Variants in ATG5 observed in about 807,000 individuals in gnomAD.
ATG5 encodes autophagy related 5.
A neutral mutation model predicts 36.5 loss-of-function variants in ATG5; 14 were observed. The observed-to-expected ratio is 0.38, with a 90% CI of 0.25 to 0.60. The LOEUF (loss-of-function observed/expected upper bound fraction) is 0.60, where lower values mean the gene tolerates loss of function less well. Among genes scored for constraint, ATG5 ranks in the 20% least tolerant of loss-of-function variants. The pLI is 0.60. For missense variants in ATG5, 195 were observed against 326.7 expected (o/e 0.60, Z 3.11); for synonymous variants, 95 against 101.5 (o/e 0.94, Z 0.38).
chr6:106,262,889 C>T (rs1167383198), intron 5 of ATG5, among the ~76,000 whole-genome samples: 9 of 152,224 alleles, frequency 5.9e-5, no homozygotes, highest in Non-Finnish European at 1.3e-4. Context: ...ACCACCAGGG[C>T]CCTGGGTTTC....
At chr6:106,265,732 G>A (rs114812407) in intron 5 of ATG5, among the ~76,000 whole-genome samples, 1,906 of 152,128 alleles carry the variant, frequency 0.013, 44 homozygotes, top group African/African-American at 0.043. Context: ...CATGAAAACC[G>A]CTCCTAAATA....
chr6:106,278,565 T>C (rs1053470058), intron 5 of ATG5, among the ~76,000 whole-genome samples: 4 of 152,236 alleles, frequency 2.6e-5, no homozygotes, highest in African/African-American at 9.6e-5. Context: ...CCTGGCTGCA[T>C]AATCTAGTCT....
At chr6:106,188,573 G>C (rs1051731707) in intron 7 of ATG5, among the ~76,000 whole-genome samples, 5 of 152,186 alleles carry the variant, frequency 3.3e-5, no homozygotes, top group African/African-American at 1.2e-4. Context: ...GATGCACAGT[G>C]TATCTGAAAG....
At chr6:106,196,756 G>A (rs992221963) in intron 7 of ATG5, among the ~76,000 whole-genome samples, 5 of 149,686 alleles carry the variant, frequency 3.3e-5, no homozygotes, top group African/African-American at 1.2e-4. Context: ...AAGTTCTACA[G>A]TTATACAATT....
At chr6:106,190,199 A>G (rs1195057210) in intron 7 of ATG5, among the ~76,000 whole-genome samples, 1 of 152,208 alleles carries the variant, frequency 6.6e-6, no homozygotes, top group Non-Finnish European at 1.5e-5. Flanking sequence ...GATAATTTAT[A>G]AAGGACAAAC....
chr6:106,196,722 C>CA (rs34507159), intron 7 of ATG5, among the ~76,000 whole-genome samples: 1,740 of 138,240 alleles, frequency 0.013, 22 homozygotes, highest in African/African-American at 0.036. Context: ...GAATCAGTCT[C>CA]AAAAAAAAAA....
intron 5 of ATG5, among the ~76,000 whole-genome samples, chr6:106,258,321 C>CATG (rs1208331861): frequency 6.6e-6 from 1 of 151,812 alleles, no homozygotes; most frequent in Non-Finnish European, 1.5e-5. Context: ...TGCAGTGAGC[C>CATG]ATGACCTTAC....
intron 5 of ATG5, among the ~76,000 whole-genome samples, chr6:106,259,561 G>A (rs1778931810): frequency 6.6e-6 from 1 of 152,154 alleles, no homozygotes; most frequent in African/African-American, 2.4e-5. Context: ...ACAAGTCCAT[G>A]AAGTTGTTTT....
chr6:106,238,124 TTTC>T (rs1303183922), intron 6 of ATG5, among the ~76,000 whole-genome samples: 15 of 152,336 alleles, frequency 9.8e-5, no homozygotes, highest in African/African-American at 3.1e-4. Context: ...CATTCTATAC[TTTC>T]TTGTCTTTAC....
At chr6:106,227,861 TAA>T (rs1777505998) in intron 6 of ATG5, among the ~76,000 whole-genome samples, 1 of 152,182 alleles carries the variant, frequency 6.6e-6, no homozygotes, top group African/African-American at 2.4e-5. Flanking sequence ...TCTTATCAGG[TAA>T]AGTTAGGCAA....
intron 3 of ATG5, among the ~76,000 whole-genome samples, chr6:106,295,269 T>C (rs1769870702): frequency 6.6e-6 from 1 of 152,232 alleles, no homozygotes; most frequent in Non-Finnish European, 1.5e-5. Flanking sequence ...AAGATGAATG[T>C]AGGCACTTAA....
chr6:106,186,314 A>G lies in ATG5; in HGVS notation c.*226T>C. ...CCTTCAGTGGTCCGGTAAGTCTTTC[A>G]TGTCACAGCTGAGGTTTAATGATGG... On this transcript the variant is annotated 3_prime_UTR_variant, in exon 8 of 8. Transcript: ENST00000369076. 2.1e-6 allele frequency: 1 copy of G among 486,244 alleles called. No homozygotes were observed. The highest frequency in any genetic ancestry group is 3.6e-6 in the Non-Finnish European group (1 of 276,880). The allele number at this position is 486,244 out of a possible 1,614,324, so 30.1% of individuals were successfully genotyped here. A position where few individuals can be genotyped will look rare whatever the true frequency, so the allele number is the denominator to read the frequency against.
At chr6:106,276,119 C>T (rs185177944) in intron 5 of ATG5, among the ~76,000 whole-genome samples, 12 of 152,266 alleles carry the variant, frequency 7.9e-5, no homozygotes, top group Admixed American at 7.8e-4. Context: ...TTTCATAAGG[C>T]CTCTACAGAT....
intron 3 of ATG5, among the ~76,000 whole-genome samples, chr6:106,306,650 A>C (rs182038556): frequency 1.6e-4 from 25 of 152,334 alleles, no homozygotes; most frequent in Non-Finnish European, 3.4e-4. Context: ...CAAAATTCTG[A>C]GATAATCTGT....
intron 6 of ATG5, among the ~76,000 whole-genome samples, chr6:106,227,188 C>A (rs1255222558): frequency 6.6e-6 from 1 of 152,114 alleles, no homozygotes; most frequent in Non-Finnish European, 1.5e-5. Flanking sequence ...GAGAGACTCT[C>A]AAAACAGGCA....
At chr6:106,281,689 G>A (rs1333301791) in intron 4 of ATG5, among the ~76,000 whole-genome samples, 3 of 152,166 alleles carry the variant, frequency 2.0e-5, no homozygotes, top group Admixed American at 6.5e-5. Flanking sequence ...TGGGTATACA[G>A]CTGGAAAAAG....
chr6:106,230,691 C>G (rs930254846), intron 6 of ATG5, among the ~76,000 whole-genome samples: 3 of 151,990 alleles, frequency 2.0e-5, no homozygotes, highest in African/African-American at 7.3e-5. Flanking sequence ...CAAAAACACC[C>G]CTAAGATGTA....
chr6:106,250,421 A>T (rs1048098398), intron 5 of ATG5, among the ~76,000 whole-genome samples: 3 of 152,228 alleles, frequency 2.0e-5, no homozygotes, highest in African/African-American at 7.2e-5. Context: ...TTCACAGATG[A>T]TAACTAAGGC....
chr6:106,200,756 G>A (rs188129978), intron 7 of ATG5, among the ~76,000 whole-genome samples: 6 of 152,014 alleles, frequency 3.9e-5, no homozygotes, highest in African/African-American at 1.2e-4. Context: ...CTAGGATTAC[G>A]CGTGAGCCAC....
Sources: allele counts gnomAD v4.1 joint callset (sites outside exome capture counted in the v4.1 genomes callset), GRCh38; gene constraint gnomAD v4.1.1; transcripts MANE v1.5; gene names NCBI Gene and HGNC (gene_info 2026-07-23, HGNC 2026-07-21).